C12orf42: variants seen among roughly 807,000 people sequenced by gnomAD.
The protein encoded by C12orf42 is uncharacterized protein C12orf42.
In C12orf42, 25 loss-of-function variants were observed where a neutral mutation model predicts 21.6. That is an observed-to-expected ratio of 1.16 (90% CI 0.84 to 1.62). The LOEUF (loss-of-function observed/expected upper bound fraction) is 1.62, where lower values mean the gene tolerates loss of function less well. Ranked by LOEUF, C12orf42 falls within the 40% of genes most tolerant of loss-of-function variation. The probability of loss-of-function intolerance (pLI) is 0.00; values close to 1 mark genes in which losing one functional copy is unlikely to be tolerated. For missense variants in C12orf42, 483 were observed against 459.3 expected, an observed-to-expected ratio of 1.05 and a Z score of -0.47; for synonymous variants, 174 against 175.0, an observed-to-expected ratio of 0.99 and a Z score of 0.05.
At chr12:103,337,558 T>C (rs1009951937) in intron 4 of C12orf42, among the ~76,000 whole-genome samples, 1 of 152,186 alleles carries the variant, frequency 6.6e-6, no homozygotes, top group Admixed American at 6.5e-5. Context: ...TTCACAATGT[T>C]GGCCAGGATG....
At chr12:103,071,167 T>A in the C12orf42 span, among the ~76,000 whole-genome samples, 1 of 152,140 alleles carries the variant, frequency 6.6e-6, no homozygotes, top group East Asian at 1.9e-4. Flanking sequence ...TTTCTACCCA[T>A]GTCATGGGGC....
At chr12:103,138,913 T>A in the C12orf42 span, among the ~76,000 whole-genome samples, 2 of 152,206 alleles carry the variant, frequency 1.3e-5, no homozygotes, top group African/African-American at 4.8e-5. Flanking sequence ...CTTAGTAGAA[T>A]TCTTATTTCC....
At chr12:103,336,138 G>C (rs2041669937) in intron 4 of C12orf42, among the ~76,000 whole-genome samples, 1 of 152,180 alleles carries the variant, frequency 6.6e-6, no homozygotes, top group Non-Finnish European at 1.5e-5. Context: ...GCATTTTGTA[G>C]GTCACAGTTG....
the C12orf42 span, among the ~76,000 whole-genome samples, chr12:103,146,610 A>AAGAAAGAAAGAAAG: frequency 3.4e-5 from 5 of 147,680 alleles, no homozygotes; most frequent in Admixed American, 6.8e-5. Context: ...GAAAGAAAGA[A>AAGAAAGAAAGAAAG]AAAGAAAAGT....
At chr12:103,316,866 C>G (rs753923072) in intron 4 of C12orf42, among the ~76,000 whole-genome samples, 2 of 152,046 alleles carry the variant, frequency 1.3e-5, no homozygotes, top group Non-Finnish European at 2.9e-5. Flanking sequence ...AGTGAATGCT[C>G]TTCAGTATTA....
the C12orf42 span, among the ~76,000 whole-genome samples, chr12:103,066,843 A>G: frequency 1.3e-5 from 2 of 152,230 alleles, no homozygotes; most frequent in Non-Finnish European, 2.9e-5. Context: ...TGACCTCAGC[A>G]GAGGAGGATT....
At chr12:103,130,734 G>T in the C12orf42 span, among the ~76,000 whole-genome samples, 1 of 152,214 alleles carries the variant, frequency 6.6e-6, no homozygotes, top group African/African-American at 2.4e-5. Flanking sequence ...TACGTCAGGA[G>T]GCTGAGCCTC....
chr12:103,203,507 A>C, the C12orf42 span, among the ~76,000 whole-genome samples: 1 of 152,222 alleles, frequency 6.6e-6, no homozygotes, highest in African/African-American at 2.4e-5. Context: ...CTTTAAAAAA[A>C]TGTCCACTCT....
chr12:103,291,637 G>A (rs1321434793), intron 4 of C12orf42, among the ~76,000 whole-genome samples: 1 of 152,124 alleles, frequency 6.6e-6, no homozygotes, highest in Non-Finnish European at 1.5e-5. Flanking sequence ...GGAGTTCCCA[G>A]ACTTGAGGGT....
At chr12:103,368,767 G>A in intron 4 of C12orf42, 120 bp downstream of exon 4, 3 of 562,076 alleles carry the variant, frequency 5.3e-6, no homozygotes. Context: ...TTCCTCTTTT[G>A]TTGCCATTTT....
rs1191886641 is a variant in C12orf42, at chr12:103,306,545, G to GATGTTTGT, written c.260-208_260-201dup. Among the ~76,000 whole-genome samples, 4 of 152,246 alleles carry GATGTTTGT rather than the reference G, an allele frequency of 2.6e-5. No homozygotes were observed. In the East Asian group the frequency reaches 7.7e-4, roughly 29 times the overall value. The stretch of plus-strand genomic sequence containing the variant: ...GTCTGGAAAGGGAGGTAGAGGACAG[G>GATGTTTGT]ATGTTTGTGCTGAGTTCTAGTTATG... On this transcript the variant is annotated intron_variant, in intron 4 of 5. Coordinates refer to ENST00000548883, the MANE Select transcript of C12orf42 (RefSeq NM_198521.5).
the C12orf42 span, among the ~76,000 whole-genome samples, chr12:103,553,191 A>G: frequency 1.3e-5 from 2 of 152,140 alleles, no homozygotes; most frequent in Non-Finnish European, 2.9e-5. Flanking sequence ...TCCTCCTCTC[A>G]GTTTGAAAAC....
At chr12:103,288,621 A>AT (rs1270403594) in intron 4 of C12orf42, among the ~76,000 whole-genome samples, 1 of 152,096 alleles carries the variant, frequency 6.6e-6, no homozygotes, top group Non-Finnish European at 1.5e-5. Flanking sequence ...CAATATTTTT[A>AT]TTTTTTCAGA....
chr12:103,084,221 C>A, the C12orf42 span, among the ~76,000 whole-genome samples: 1 of 152,170 alleles, frequency 6.6e-6, no homozygotes, highest in Admixed American at 6.5e-5. Context: ...AACAGACTTG[C>A]TCTTTCTTGT....
intron 10 of C12orf42, among the ~76,000 whole-genome samples, chr12:103,258,728 G>T (rs2034737946): frequency 6.6e-6 from 1 of 151,942 alleles, no homozygotes; most frequent in Admixed American, 6.6e-5. Context: ...GGGTACCTTT[G>T]CAAATAGCAT....
the C12orf42 span, chr12:103,557,270 GC>G: frequency 2.0e-5 from 3 of 152,142 alleles, no homozygotes; most frequent in South Asian, 2.1e-4. Flanking sequence ...ATGTCCAAAA[GC>G]TTTTTTAACT....
chr12:103,218,000 G>A, the C12orf42 span, among the ~76,000 whole-genome samples: 2 of 151,974 alleles, frequency 1.3e-5, no homozygotes, highest in Non-Finnish European at 2.9e-5. Context: ...CGAAATCCTC[G>A]GCCAGGCACG....
intron 4 of C12orf42, among the ~76,000 whole-genome samples, chr12:103,288,625 T>C (rs1337690002): frequency 6.6e-6 from 1 of 152,208 alleles, no homozygotes; most frequent in Admixed American, 6.5e-5. Flanking sequence ...ATTTTTATTT[T>C]TTCAGATGCT....
chr12:103,165,957 G>A, the C12orf42 span, among the ~76,000 whole-genome samples: 6 of 152,002 alleles, frequency 3.9e-5, no homozygotes, highest in East Asian at 1.9e-4. Context: ...GGAGAATGGC[G>A]TGAACCCGGG....
Sources: gnomAD v4.1 joint callset for allele counts (sites outside exome capture counted in the v4.1 genomes callset) on GRCh38, gnomAD v4.1.1 for gene constraint, MANE v1.5 for transcripts, NCBI Gene and HGNC (gene_info 2026-07-23, HGNC 2026-07-21) for gene names.